ALG5: variants seen among roughly 807,000 people sequenced by gnomAD.
ALG5 encodes dolichyl-phosphate beta-glucosyltransferase.
Under a neutral mutation model 51.8 loss-of-function variants are expected in ALG5, and 26 were observed. The ratio of observed to expected loss-of-function variants is 0.50; its 90% confidence interval spans 0.37 to 0.70. The LOEUF (loss-of-function observed/expected upper bound fraction) is 0.70. Among genes scored for constraint, ALG5 ranks in the 30% least tolerant of loss-of-function variants. The pLI, the probability that ALG5 is intolerant of heterozygous loss-of-function variation, is 0.00. For missense variants in ALG5, 311 were observed against 399.3 expected (o/e 0.78, Z 1.88); for synonymous variants, 141 against 136.1 (o/e 1.04, Z -0.25).
rs537917205 is a variant in ALG5, at chr13:36,954,024, T to TA, written c.774-1426dup. Reference sequence around the variant, plus strand: ...TTATCAAATACACAAAACAATTGAGTAAAAAAGAGTGGGGTGGTTAACTGA... The same window carrying TA: ...TTATCAAATACACAAAACAATTGAGTAAAAAAAGAGTGGGGTGGTTAACTGA... On this transcript the variant is annotated intron_variant, in intron 8 of 9. Coordinates refer to ENST00000239891, the MANE Select transcript of ALG5 (RefSeq NM_013338.5). Among the ~76,000 whole-genome samples the TA allele has an allele frequency of 6.9e-4, 105 of 151,274 alleles. 1 individual carries two copies. The highest frequency in any genetic ancestry group is 2.4e-3 in the African/African-American group (99 of 41,194).
chr13:36,977,029 A>T lies in ALG5; in HGVS notation c.562-4993T>A, dbSNP rs534014952. Among the ~76,000 whole-genome samples, 10 of 152,344 alleles carry T rather than the reference A, an allele frequency of 6.6e-5. No individual in the cohort carries two copies. In the South Asian group the frequency reaches 2.1e-3, roughly 32 times the overall value. ...ATACCATGTAATTTAACTAAAAACA[A>T]ATCAAAATCCAAAAAACTTTCTTTT... On this transcript the variant is annotated intron_variant, in intron 6 of 9. Transcript: ENST00000239891.
chr13:36,997,360 C>T (rs1186950580), intron 1 of ALG5, among the ~76,000 whole-genome samples: 1 of 149,554 alleles, frequency 6.7e-6, no homozygotes, highest in Non-Finnish European at 1.5e-5. Context: ...GTAATCCCAG[C>T]TACTCAGGAG....
At chr13:36,957,950 C>T (rs1009375518) in intron 8 of ALG5, among the ~76,000 whole-genome samples, 5 of 152,120 alleles carry the variant, frequency 3.3e-5, no homozygotes, top group African/African-American at 1.2e-4. Context: ...ACCCCAACCG[C>T]GTTTAAAGTG....
At position 36,999,243 on chromosome 13, in the gene ALG5, G is replaced by C. The variant is rs772872038; in HGVS notation, c.58C>G (p.Leu20Val). ...VLGAALAAAA[L>V]VLISIVAFTT... ...CCCATCCCTGTTCTCACCAGTACGA[G>C]GGCTGCGGCCGCCAGCGCCGCGCCG... Residue 20 changes from leucine (L) to valine (V), a missense_variant, in exon 1 of 10, where the codon CTC (leucine) becomes GTC (valine). Physicochemically the swap from Leu to Val is conservative, Grantham distance 32. Transcript: ENST00000239891. 4 of 1,580,244 alleles carry C rather than the reference G, an allele frequency of 2.5e-6. No homozygotes were observed. Among genetic ancestry groups the C allele is most frequent in the Non-Finnish European group, 3.4e-6 (4 of 1,166,192 alleles).
chr13:36,986,742 C>G (rs149055271), intron 5 of ALG5, among the ~76,000 whole-genome samples: 1 of 152,122 alleles, frequency 6.6e-6, no homozygotes, highest in African/African-American at 2.4e-5. Flanking sequence ...CTGGGCAATA[C>G]AGTGAGACTC....
intron 8 of ALG5, among the ~76,000 whole-genome samples, chr13:36,953,117 C>T (rs1422760606): frequency 6.6e-6 from 1 of 152,126 alleles, no homozygotes; most frequent in Non-Finnish European, 1.5e-5. Context: ...TTTCTGTTCC[C>T]CTTCCCTGTG....
At chr13:36,997,836 C>T (rs1451741444) in intron 1 of ALG5, among the ~76,000 whole-genome samples, 1 of 152,034 alleles carries the variant, frequency 6.6e-6, no homozygotes, top group Admixed American at 6.5e-5. Flanking sequence ...CATATGAAGA[C>T]AGGATGAGGT....
At chr13:36,999,201 C>A in intron 1 of ALG5, 34 bp downstream of exon 1, 1 of 1,543,982 alleles carries the variant, frequency 6.5e-7, no homozygotes. Context: ...AGCGGTAAGC[C>A]CCGGCCTGCG....
At chr13:36,965,437 C>T in intron 8 of ALG5, 138 bp downstream of exon 8, 1 of 893,500 alleles carries the variant, frequency 1.1e-6, no homozygotes, top group Non-Finnish European at 1.7e-6. Flanking sequence ...AGTATAAAGG[C>T]AAGATCAAGT....
chr13:36,993,385 C>T (rs919680281), intron 4 of ALG5, among the ~76,000 whole-genome samples: 3 of 152,194 alleles, frequency 2.0e-5, no homozygotes, highest in African/African-American at 4.8e-5. Context: ...GAACTGTGCG[C>T]GGGCATGTTT....
intron 1 of ALG5, among the ~76,000 whole-genome samples, chr13:36,996,535 T>C (rs1593689467): frequency 1.3e-5 from 2 of 152,126 alleles, no homozygotes; most frequent in East Asian, 3.9e-4. Context: ...CTCAGTGGCC[T>C]ATGATGCAAG....
chr13:36,971,054 GA>G (rs1478130570), intron 7 of ALG5, among the ~76,000 whole-genome samples: 1 of 152,096 alleles, frequency 6.6e-6, no homozygotes, highest in Non-Finnish European at 1.5e-5. Flanking sequence ...ATCATTGGGG[GA>G]AAGGTTCAAC....
At position 36,985,723 on chromosome 13, in the gene ALG5, T is replaced by C; in HGVS notation, c.465A>G (p.Arg155=). Residue 155 remains arginine (R), a synonymous_variant, in exon 6 of 10, where the codon CGA becomes CGG. Coordinates refer to ENST00000239891, the MANE Select transcript of ALG5 (RefSeq NM_013338.5). ...CATCTGCCATAAGGATCTTTTCTCC[T>C]CGAGAACTGAATATACCCTGTATTT... ...GAIRMGIFSS[R]GEKILMADAD... The C allele has an allele frequency of 6.2e-7, 1 of 1,612,884 alleles. No homozygotes were observed. Among genetic ancestry groups the C allele is most frequent in the Non-Finnish European group, 8.5e-7 (1 of 1,179,458 alleles).
intron 6 of ALG5, among the ~76,000 whole-genome samples, chr13:36,982,229 A>G (rs1227390635): frequency 6.6e-6 from 1 of 152,202 alleles, no homozygotes; most frequent in African/African-American, 2.4e-5. Context: ...TTGTGTAGCT[A>G]CAGAAGACAG....
At chr13:36,993,443 T>C (rs1286847769) in intron 4 of ALG5, among the ~76,000 whole-genome samples, 161 bp downstream of exon 4, 1 of 152,200 alleles carries the variant, frequency 6.6e-6, no homozygotes, top group Non-Finnish European at 1.5e-5. Flanking sequence ...TATGGAGAAG[T>C]TCCATAAATG....
intron 7 of ALG5, among the ~76,000 whole-genome samples, chr13:36,970,366 C>A (rs574420702): frequency 1.3e-5 from 2 of 152,224 alleles, no homozygotes; most frequent in Non-Finnish European, 2.9e-5. Flanking sequence ...GTAATCCCAG[C>A]ACTTTGGGAG....
intron 9 of ALG5, among the ~76,000 whole-genome samples, chr13:36,951,514 A>G (rs2058817854): frequency 6.6e-6 from 1 of 152,238 alleles, no homozygotes; most frequent in Admixed American, 6.5e-5. Flanking sequence ...TCACCAGAAG[A>G]GCTGGACTTC....
intron 8 of ALG5, among the ~76,000 whole-genome samples, chr13:36,956,797 G>C (rs1194379708): frequency 2.6e-5 from 4 of 151,908 alleles, no homozygotes; most frequent in Non-Finnish European, 5.9e-5. Flanking sequence ...GGGATCATCA[G>C]AAAGGAAAGA....
chr13:36,993,605 T>G lies in ALG5; in HGVS notation c.353A>C (p.Lys118Thr). The G allele has an allele frequency of 6.2e-7, 1 of 1,612,440 alleles. No individual in the cohort carries two copies. The highest frequency in any genetic ancestry group is 8.5e-7 in the Non-Finnish European group (1 of 1,178,646). Reference protein sequence around the residue: ...VDDGSKDQTSKVAFKYCQKYG... With the variant: ...VDDGSKDQTSTVAFKYCQKYG... ...AATTCTAAAAGCAAGTGTATTTACCTTTGAGGTCTGATCTTTACTGCCATC... is the reference window on the plus strand; with the variant it reads ...AATTCTAAAAGCAAGTGTATTTACCGTTGAGGTCTGATCTTTACTGCCATC... The change falls in exon 4 of 10, where the codon AAG becomes ACG. Residue 118 changes from lysine (K) to threonine (T), a missense_variant and splice_region_variant. Physicochemically the swap from Lys to Thr is moderately conservative, Grantham distance 78. Coordinates refer to ENST00000239891, the MANE Select transcript of ALG5 (RefSeq NM_013338.5).
Sources: gnomAD v4.1 joint callset for allele counts (sites outside exome capture counted in the v4.1 genomes callset) on GRCh38, gnomAD v4.1.1 for gene constraint, MANE v1.5 for transcripts, NCBI Gene and HGNC (gene_info 2026-07-23, HGNC 2026-07-21) for gene names.